MICAL3: variants seen among roughly 807,000 people sequenced by gnomAD.
The protein encoded by MICAL3 is [F-actin]-monooxygenase MICAL3.
A neutral mutation model predicts 207.4 loss-of-function variants in MICAL3; 62 were observed. That is an observed-to-expected ratio of 0.30 (90% CI 0.24 to 0.37). The LOEUF (loss-of-function observed/expected upper bound fraction) is 0.37. Among genes scored for constraint, MICAL3 ranks in the 10% least tolerant of loss-of-function variants. MICAL3 has a pLI of 1.00. For missense variants in MICAL3, 2,368 were observed against 2,635.6 expected, an observed-to-expected ratio of 0.90 and a Z score of 2.22; for synonymous variants, 1,077 against 1,069.3, an observed-to-expected ratio of 1.01 and a Z score of -0.14.
At chr22:18,019,863 G>C (rs1385058791) in intron 1 of MICAL3, 1 of 132,624 alleles carries the variant, frequency 7.5e-6, no homozygotes, top group African/African-American at 2.9e-5. Flanking sequence ...CCAGGCTGGA[G>C]TGCAGTGGCG....
At chr22:17,831,785 T>TA (rs1448792270) in intron 21 of MICAL3, 69 bp downstream of exon 21, 9 of 1,511,686 alleles carry the variant, frequency 6.0e-6, no homozygotes, top group Admixed American at 4.1e-5. Context: ...AGAAACCTCT[T>TA]ACACTCACGC....
chr22:17,864,870 C>CA, intron 19 of MICAL3, 29 bp downstream of exon 19: 1 of 1,613,908 alleles, frequency 6.2e-7, no homozygotes, highest in Non-Finnish European at 8.5e-7. Flanking sequence ...AGTGACGCGC[C>CA]ACCCAGCCAA....
In MICAL3 at chr22:17,841,807, G is replaced by T. The variant is rs749064318; in HGVS notation, c.2801+15C>A. ...CCGTGTGGCGGGTGGGCGCCCTGCAGCCCTGCGTGCTGACCTGCTGGCGAC... is the reference window on the plus strand; with the variant it reads ...CCGTGTGGCGGGTGGGCGCCCTGCATCCCTGCGTGCTGACCTGCTGGCGAC... On this transcript the variant is annotated intron_variant, in intron 20 of 31. Coordinates refer to ENST00000441493, the MANE Select transcript of MICAL3 (RefSeq NM_015241.3). The surrounding 1 kb of genome is among the most constrained non-coding windows in gnomAD (Gnocchi z 4.2). 1 of 1,542,426 alleles carries T rather than the reference G, an allele frequency of 6.5e-7. No individual in the cohort carries two copies.
chr22:17,799,021 T>C lies in MICAL3; in HGVS notation c.5651-7720A>G, dbSNP rs115796748. The stretch of plus-strand genomic sequence containing the variant: ...TCCTGTCGGAGACACCAAAGAGCTT[T>C]TGTCACCTTTTCCTGGGAAACACAA... On this transcript the variant is annotated intron_variant, in intron 29 of 31. Transcript: ENST00000441493. 9.5e-3 allele frequency among the ~76,000 whole-genome samples: 1,452 copies of C among 152,272 alleles called. 21 individuals are homozygous for C. The highest frequency in any genetic ancestry group is 0.034 in the African/African-American group (1,394 of 41,560).
At chr22:17,950,503 C>A (rs965796213) in intron 1 of MICAL3, among the ~76,000 whole-genome samples, 1 of 151,970 alleles carries the variant, frequency 6.6e-6, no homozygotes, top group African/African-American at 2.4e-5. Flanking sequence ...CCACACCCAG[C>A]TAATTTTATT....
rs367558541 is a variant in MICAL3, at chr22:17,985,650, T to C, written c.-75+38631A>G. On this transcript the variant is annotated intron_variant, in intron 1 of 31. Transcript: ENST00000441493. ...AAATTTTATTCCCAGTAGGCCCCTT[T>C]AAACTGGTAGGCAGCCAATTCCACC... is the stretch of plus-strand genomic sequence containing the variant. Among the ~76,000 whole-genome samples, 8 of 152,138 alleles carry C rather than the reference T, an allele frequency of 5.3e-5. No homozygotes were observed. In the East Asian group the frequency reaches 5.8e-4, roughly 11 times the overall value.
chr22:17,926,020 G>A (rs1261509210), intron 1 of MICAL3, among the ~76,000 whole-genome samples: 1 of 152,148 alleles, frequency 6.6e-6, no homozygotes, highest in African/African-American at 2.4e-5. Context: ...AAACGCACAG[G>A]CATTTTAAGT....
Position 17,790,815 on chromosome 22 carries a change from C to T in MICAL3, c.5926G>A (p.Glu1976Lys). Residue 1976 changes from glutamate (E) to lysine (K), a missense_variant, in exon 32 of 32, where the codon GAG (glutamate) becomes AAG (lysine). Physicochemically the swap from Glu to Lys is moderately conservative, Grantham distance 56. Transcript: ENST00000441493. Reference protein sequence around the residue: ...QRDSLVALLEEQRLREREEDK... With the variant: ...QRDSLVALLEKQRLREREEDK... The stretch of plus-strand genomic sequence containing the variant: ...TCCTCTCTCTCCCGGAGCCGCTGCT[C>T]CTCCAGCAGCGCCACCAGTGAGTCT... 6.2e-7 allele frequency: 1 copy of T among 1,613,664 alleles called. No individual in the cohort carries two copies. The highest frequency in any genetic ancestry group is 8.5e-7 in the Non-Finnish European group (1 of 1,179,752).
chr22:17,958,336 G>C (rs986336598), intron 1 of MICAL3, among the ~76,000 whole-genome samples: 2 of 152,192 alleles, frequency 1.3e-5, no homozygotes, highest in African/African-American at 4.8e-5. Context: ...AACCGTCAGA[G>C]AGACTGAGTT....
At chr22:17,842,904 G>A (rs555099313) in intron 19 of MICAL3, among the ~76,000 whole-genome samples, 3 of 152,236 alleles carry the variant, frequency 2.0e-5, no homozygotes, top group South Asian at 4.1e-4. Context: ...GGTGGATCAC[G>A]AGGTCAGCAG....
chr22:17,938,225 T>C (rs1360130434), intron 1 of MICAL3, among the ~76,000 whole-genome samples: 1 of 152,134 alleles, frequency 6.6e-6, no homozygotes, highest in Admixed American at 6.6e-5. Context: ...GATGACAACA[T>C]TCAAACTCAA....
At chr22:17,958,705 A>AT (rs201043833) in intron 1 of MICAL3, among the ~76,000 whole-genome samples, 19 of 135,606 alleles carry the variant, frequency 1.4e-4, no homozygotes, top group Non-Finnish European at 2.1e-4. Flanking sequence ...GGGTTTTTTT[A>AT]TTTTTTTTTT....
At chr22:17,835,194 ACAGCAGAAAGCAACC>A (rs1923237056) in intron 20 of MICAL3, among the ~76,000 whole-genome samples, 1 of 147,678 alleles carries the variant, frequency 6.8e-6, no homozygotes, top group South Asian at 2.2e-4. Flanking sequence ...AGCACAGAAG[ACAGCAGAAAGCAACC>A]CTCACCTCCG....
At chr22:17,811,905 C>T (rs559692827) in intron 27 of MICAL3, among the ~76,000 whole-genome samples, 1 of 152,088 alleles carries the variant, frequency 6.6e-6, no homozygotes, top group Non-Finnish European at 1.5e-5. Flanking sequence ...CCACCTCGCC[C>T]GGACAATTAA....
chr22:17,841,819 G>A lies in MICAL3; in HGVS notation c.2801+3C>T. 1 of 1,544,292 alleles carries A rather than the reference G, an allele frequency of 6.5e-7. No homozygotes were observed. The highest frequency in any genetic ancestry group is 1.2e-5 in the South Asian group (1 of 84,068). ...TGGGCGCCCTGCAGCCCTGCGTGCTGACCTGCTGGCGACGTCCTCCTCGGC... is the reference window on the plus strand; with the variant it reads ...TGGGCGCCCTGCAGCCCTGCGTGCTAACCTGCTGGCGACGTCCTCCTCGGC... On this transcript the variant is annotated splice_donor_region_variant and intron_variant, in intron 20 of 31. Coordinates refer to ENST00000441493, the MANE Select transcript of MICAL3 (RefSeq NM_015241.3). The surrounding 1 kb of genome is among the most constrained non-coding windows in gnomAD (Gnocchi z 4.2).
intron 20 of MICAL3, among the ~76,000 whole-genome samples, chr22:17,837,706 A>AT (rs1923550055): frequency 6.6e-6 from 1 of 152,206 alleles, no homozygotes; most frequent in South Asian, 2.1e-4. Context: ...GGTCTGTGAC[A>AT]AGGCTTGGGA....
At chr22:17,945,609 C>T (rs893105781) in intron 1 of MICAL3, among the ~76,000 whole-genome samples, 5 of 152,188 alleles carry the variant, frequency 3.3e-5, no homozygotes, top group African/African-American at 7.2e-5. Flanking sequence ...AGGGGTAACA[C>T]GCGCCCTACT....
At chr22:17,972,617 C>T (rs1262873277) in intron 1 of MICAL3, among the ~76,000 whole-genome samples, 1 of 151,996 alleles carries the variant, frequency 6.6e-6, no homozygotes, top group African/African-American at 2.4e-5. Flanking sequence ...GGTCAGGGTC[C>T]GGGGCTGGTC....
chr22:17,807,253 C>T (rs576198354), intron 29 of MICAL3, among the ~76,000 whole-genome samples: 7 of 152,328 alleles, frequency 4.6e-5, no homozygotes, highest in South Asian at 2.1e-4. Context: ...TAGGCCCGGA[C>T]GCAGTCGGGC....
Sources: gnomAD v4.1 joint callset for allele counts (sites outside exome capture counted in the v4.1 genomes callset) on GRCh38, gnomAD v4.1.1 for gene constraint, Gnocchi (gnomAD v3.1) non-coding constraint, MANE v1.5 for transcripts, NCBI Gene and HGNC (gene_info 2026-07-23, HGNC 2026-07-21) for gene names.